Variants in FXYD6 observed in about 807,000 individuals in gnomAD.
The protein encoded by FXYD6 is FXYD domain containing ion transport regulator 6, also known as FXYD domain-containing ion transport regulator 6.
FXYD6 carries 7 observed loss-of-function variants against 16.7 expected under a neutral mutation model. The ratio of observed to expected loss-of-function variants is 0.42; its 90% CI spans 0.24 to 0.79. The LOEUF (loss-of-function observed/expected upper bound fraction) is 0.79, where lower values mean the gene tolerates loss of function less well. FXYD6 is among the 30% of genes least tolerant of loss of function. The pLI is 0.28. For synonymous variants in FXYD6, 49 were observed against 43.0 expected (o/e 1.14, Z -0.54); for missense variants, 111 against 116.2 (o/e 0.95, Z 0.21).
intron 7 of FXYD6, 76 bp from the exon 8 acceptor site, chr11:117,838,353 G>C (rs773934727): frequency 1.4e-6 from 1 of 699,482 alleles, no homozygotes; most frequent in Admixed American, 2.0e-5. Flanking sequence ...TCCCTTCCTT[G>C]AGCACCTGCC....
intron 1 of FXYD6, among the ~76,000 whole-genome samples, chr11:117,855,191 T>A: frequency 6.6e-6 from 1 of 152,216 alleles, no homozygotes; most frequent in East Asian, 1.9e-4. Context: ...CCTGCCTTTG[T>A]ATTCTAAAGA....
chr11:117,853,250 T>G (rs2056647430), intron 1 of FXYD6, among the ~76,000 whole-genome samples: 1 of 152,238 alleles, frequency 6.6e-6, no homozygotes, highest in South Asian at 2.1e-4. Flanking sequence ...ATGGGACACT[T>G]TCTTTCAGAG....
chr11:117,841,116 C>G (rs761040263), intron 5 of FXYD6, 32 bp downstream of exon 5: 9 of 1,612,186 alleles, frequency 5.6e-6, no homozygotes, highest in Non-Finnish European at 6.8e-6. Context: ...CCTAGTATCA[C>G]CCCCCCAAGG....
chr11:117,839,816 T>G lies in FXYD6; in HGVS notation c.274A>C (p.Lys92Gln). 1 of 1,614,192 alleles carries G rather than the reference T, an allele frequency of 6.2e-7. No individual in the cohort carries two copies. The highest frequency in any genetic ancestry group is 8.5e-7 in the Non-Finnish European group (1 of 1,180,024). Residue 92 changes from lysine to glutamine, a missense_variant, in exon 7 of 8, where the codon AAA becomes CAA. Physicochemically the swap from Lys to Gln is moderately conservative, Grantham distance 53. Coordinates refer to ENST00000526014, the MANE Select transcript of FXYD6 (RefSeq NM_022003.4). ...LITANATEPQ[K>Q]AEN Reference sequence around the variant, plus strand: ...ATGGCTGCACTTCAGTTCTCTGCTTTCTGGGGCTCTGTTGCTGGAAAGAAA... The same window carrying G: ...ATGGCTGCACTTCAGTTCTCTGCTTGCTGGGGCTCTGTTGCTGGAAAGAAA...
At chr11:117,864,753 A>G (rs1236088038) in intron 1 of FXYD6, among the ~76,000 whole-genome samples, 1 of 152,118 alleles carries the variant, frequency 6.6e-6, no homozygotes, top group Admixed American at 6.5e-5. Flanking sequence ...CACCCAGCTC[A>G]TTTTTGTATT....
chr11:117,858,742 T>TTCCC (rs2056828942), intron 1 of FXYD6, among the ~76,000 whole-genome samples: 2 of 125,062 alleles, frequency 1.6e-5, no homozygotes, highest in Non-Finnish European at 3.4e-5. Flanking sequence ...CCTTCCTTCC[T>TTCCC]TCCTTCCTTC....
intron 1 of FXYD6, among the ~76,000 whole-genome samples, chr11:117,859,011 G>A (rs982557285): frequency 3.3e-5 from 5 of 151,936 alleles, no homozygotes; most frequent in Non-Finnish European, 7.4e-5. Context: ...CCTGACCTCC[G>A]GTGATCTGCC....
At chr11:117,842,930 G>A (rs1290136415) in intron 1 of FXYD6, 149 bp from the exon 2 acceptor site, 1 of 769,958 alleles carries the variant, frequency 1.3e-6, no homozygotes, top group Non-Finnish European at 2.1e-6. Flanking sequence ...CTAAGCACAA[G>A]CAGTTGACTT....
At chr11:117,865,356 C>T (rs932881894) in intron 1 of FXYD6, among the ~76,000 whole-genome samples, 3 of 152,152 alleles carry the variant, frequency 2.0e-5, no homozygotes, top group South Asian at 4.1e-4. Flanking sequence ...AGCAATTCCA[C>T]CTCTGGATAT....
At chr11:117,851,378 A>T (rs1427252647) in intron 1 of FXYD6, among the ~76,000 whole-genome samples, 4 of 152,158 alleles carry the variant, frequency 2.6e-5, no homozygotes, top group African/African-American at 9.7e-5. Context: ...GGAGAGGCCC[A>T]TGTGGTGGCC....
At chr11:117,838,311 T>A in intron 7 of FXYD6, 34 bp from the exon 8 acceptor site, 2 of 702,438 alleles carry the variant, frequency 2.8e-6, no homozygotes, top group Non-Finnish European at 5.2e-6. Flanking sequence ...TAAAAACACT[T>A]CGGCTGCCTC....
intron 1 of FXYD6, among the ~76,000 whole-genome samples, chr11:117,867,503 A>G (rs752429989): frequency 6.6e-6 from 1 of 152,206 alleles, no homozygotes; most frequent in Non-Finnish European, 1.5e-5. Context: ...TGTGCTGGAC[A>G]CTGATTACTG....
At chr11:117,843,584 G>A (rs956282112) in intron 1 of FXYD6, 1 of 152,196 alleles carries the variant, frequency 6.6e-6, no homozygotes, top group Non-Finnish European at 1.5e-5. Flanking sequence ...CTAGCCAGCT[G>A]GGTGGAGAGG....
chr11:117,857,429 A>G (rs1591574345), intron 1 of FXYD6, among the ~76,000 whole-genome samples: 1 of 67,168 alleles, frequency 1.5e-5, no homozygotes, highest in East Asian at 4.4e-4. Context: ...TTTTTTTTTG[A>G]GAAGGAGTCT....
intron 1 of FXYD6, among the ~76,000 whole-genome samples, chr11:117,863,724 A>G (rs183983265): frequency 6.6e-6 from 1 of 152,220 alleles, no homozygotes; most frequent in African/African-American, 2.4e-5. Context: ...AACCCTAAAG[A>G]TCACACATAA....
chr11:117,838,772 C>T (rs1445912642), intron 7 of FXYD6: 1 of 173,968 alleles, frequency 5.7e-6, no homozygotes, highest in East Asian at 1.4e-4. Context: ...GTAATGAGCC[C>T]TGCTCTGCCC....
At chr11:117,858,652 T>C (rs1044859700) in intron 1 of FXYD6, among the ~76,000 whole-genome samples, 5 of 69,936 alleles carry the variant, frequency 7.1e-5, no homozygotes, top group African/African-American at 2.6e-4. Context: ...TCTTTCTTTC[T>C]TTCTTTCTTT....
At chr11:117,858,240 T>C (rs1317288845) in intron 1 of FXYD6, 2 of 152,360 alleles carry the variant, frequency 1.3e-5, no homozygotes, top group East Asian at 3.8e-4. Context: ...CTCCAAACTG[T>C]CCCTCCTTTT....
Position 117,839,816 on chromosome 11 carries a change from T to C in FXYD6, c.274A>G (p.Lys92Glu). 7 of 1,614,192 alleles carry C rather than the reference T, an allele frequency of 4.3e-6. No homozygotes were observed. The highest frequency in any genetic ancestry group is 5.9e-6 in the Non-Finnish European group (7 of 1,180,024). ...LITANATEPQKAEN is the reference protein window; with the variant it reads ...LITANATEPQEAEN ...ATGGCTGCACTTCAGTTCTCTGCTTTCTGGGGCTCTGTTGCTGGAAAGAAA... is the reference window on the plus strand; with the variant it reads ...ATGGCTGCACTTCAGTTCTCTGCTTCCTGGGGCTCTGTTGCTGGAAAGAAA... The change falls in exon 7 of 8, where the codon AAA becomes GAA. Residue 92 changes from lysine (K) to glutamate (E), a missense_variant. Transcript: ENST00000526014.
Sources: allele counts gnomAD v4.1 joint callset (sites outside exome capture counted in the v4.1 genomes callset), GRCh38; gene constraint gnomAD v4.1.1; transcripts MANE v1.5; gene names NCBI Gene and HGNC (gene_info 2026-07-23, HGNC 2026-07-21).